The following CSMD1 variants were observed in gnomAD, a reference collection of about 807,000 sequenced individuals.
CSMD1 encodes CUB and sushi domain-containing protein 1.
CSMD1 carries 213 observed loss-of-function variants against 417.5 expected under a neutral mutation model. The observed-to-expected ratio is 0.51, with a 90% CI of 0.46 to 0.57. The LOEUF is 0.57. CSMD1 is among the 20% of genes least tolerant of loss of function. CSMD1 has a pLI of 0.00. For missense variants in CSMD1, 6,923 were observed against 4,529.7 expected, an observed-to-expected ratio of 1.53 and a Z score of -15.17; for synonymous variants, 2,862 against 1,736.8, an observed-to-expected ratio of 1.65 and a Z score of -16.11.
chr8:4,234,853 G>T (rs1488197200), intron 3 of CSMD1, among the ~76,000 whole-genome samples: 1 of 152,082 alleles, frequency 6.6e-6, no homozygotes, highest in Non-Finnish European at 1.5e-5. Flanking sequence ...GCGCCTTCTT[G>T]CTCTGTCCCC....
At chr8:4,828,201 C>G (rs1799944818) in intron 1 of CSMD1, among the ~76,000 whole-genome samples, 1 of 152,136 alleles carries the variant, frequency 6.6e-6, no homozygotes, top group Admixed American at 6.6e-5. Flanking sequence ...CAAAGCAGCA[C>G]TATTGTCACT....
intron 1 of CSMD1, among the ~76,000 whole-genome samples, chr8:4,982,689 C>G (rs1810961984): frequency 6.6e-6 from 1 of 152,076 alleles, no homozygotes; most frequent in Non-Finnish European, 1.5e-5. Flanking sequence ...TTTAAAAGAC[C>G]TATCATTGTC....
At chr8:3,222,224 C>A (rs960193730) in intron 28 of CSMD1, among the ~76,000 whole-genome samples, 3 of 152,040 alleles carry the variant, frequency 2.0e-5, no homozygotes, top group Non-Finnish European at 4.4e-5. Flanking sequence ...GTGAAAAAAC[C>A]CTTGCACAAA....
chr8:4,623,826 G>C (rs908396618), intron 2 of CSMD1, among the ~76,000 whole-genome samples: 2 of 152,042 alleles, frequency 1.3e-5, no homozygotes, highest in African/African-American at 4.8e-5. Flanking sequence ...GTTCAGTGGT[G>C]TGCTGGCAAC....
intron 3 of CSMD1, among the ~76,000 whole-genome samples, chr8:4,231,914 A>C (rs372707206): frequency 2.6e-5 from 3 of 113,220 alleles, no homozygotes; most frequent in African/African-American, 7.0e-5. Context: ...TCTGAATCTC[A>C]TACATAAAAT....
At chr8:3,283,760 T>G (rs535076431) in intron 26 of CSMD1, among the ~76,000 whole-genome samples, 2 of 152,194 alleles carry the variant, frequency 1.3e-5, no homozygotes, top group African/African-American at 4.8e-5. Context: ...AAAGGAGACT[T>G]AAGTTCCTCC....
At chr8:3,937,827 TTA>T (rs1810611909) in intron 5 of CSMD1, among the ~76,000 whole-genome samples, 1 of 152,166 alleles carries the variant, frequency 6.6e-6, no homozygotes, top group Non-Finnish European at 1.5e-5. Flanking sequence ...ACAGGAAATT[TTA>T]TGATTTAAAG....
chr8:4,603,726 T>C (rs1388662545), intron 2 of CSMD1, among the ~76,000 whole-genome samples: 3 of 152,144 alleles, frequency 2.0e-5, no homozygotes, highest in African/African-American at 7.2e-5. Context: ...TGTATGCTAA[T>C]GAAAAAATAT....
intron 18 of CSMD1, among the ~76,000 whole-genome samples, chr8:3,375,908 G>A (rs1191947783): frequency 6.6e-6 from 1 of 152,076 alleles, no homozygotes; most frequent in Non-Finnish European, 1.5e-5. Context: ...TCTTCACGTT[G>A]AAACATGTCC....
chr8:3,846,756 C>A (rs959320137), intron 5 of CSMD1, among the ~76,000 whole-genome samples: 2 of 152,244 alleles, frequency 1.3e-5, no homozygotes, highest in Non-Finnish European at 2.9e-5. Context: ...TCACTGCAAC[C>A]TCTGCCTCTC....
intron 5 of CSMD1, among the ~76,000 whole-genome samples, chr8:3,988,603 C>T (rs921142525): frequency 1.3e-5 from 2 of 152,170 alleles, no homozygotes; most frequent in African/African-American, 2.4e-5. Flanking sequence ...GTCCTGTGCA[C>T]ATGACAGCTG....
intron 37 of CSMD1, among the ~76,000 whole-genome samples, chr8:3,174,162 T>A (rs1820760075): frequency 6.6e-6 from 1 of 152,182 alleles, no homozygotes; most frequent in African/African-American, 2.4e-5. Flanking sequence ...CAGAAATTAA[T>A]TCAGTTAGTT....
intron 3 of CSMD1, among the ~76,000 whole-genome samples, chr8:4,208,770 T>C (rs1800127246): frequency 1.3e-5 from 2 of 152,190 alleles, no homozygotes; most frequent in African/African-American, 2.4e-5. Flanking sequence ...AAATTTTGTA[T>C]TACAGAAATC....
At chr8:4,427,579 G>C (rs7815599) in intron 2 of CSMD1, among the ~76,000 whole-genome samples, 1 of 151,880 alleles carries the variant, frequency 6.6e-6, no homozygotes, top group African/African-American at 2.4e-5. Flanking sequence ...TAAAATGTCC[G>C]CCATCATTTG....
At chr8:4,877,200 G>T (rs969789842) in intron 1 of CSMD1, among the ~76,000 whole-genome samples, 14 of 151,860 alleles carry the variant, frequency 9.2e-5, no homozygotes, top group Admixed American at 9.2e-4. Flanking sequence ...GAATGAGTAT[G>T]CAATGTAGCT....
chr8:3,655,477 T>G (rs1427256784), intron 7 of CSMD1, among the ~76,000 whole-genome samples: 3 of 152,168 alleles, frequency 2.0e-5, no homozygotes, highest in Non-Finnish European at 1.5e-5. Flanking sequence ...CAAACAATAG[T>G]ATCAGAAATA....
intron 5 of CSMD1, among the ~76,000 whole-genome samples, chr8:3,874,864 C>G (rs1458491684): frequency 2.6e-5 from 4 of 152,024 alleles, no homozygotes; most frequent in East Asian, 1.9e-4. Context: ...AAGAAAACGG[C>G]AAAGGGTGGT....
chr8:3,957,726 G>GAAA (rs1276625715), intron 5 of CSMD1, among the ~76,000 whole-genome samples: 5 of 122,526 alleles, frequency 4.1e-5, no homozygotes, highest in Admixed American at 1.7e-4. Flanking sequence ...AAAGAAAAAG[G>GAAA]AAAAGAAATG....
At chr8:3,275,632 T>C (rs193063102) in intron 26 of CSMD1, among the ~76,000 whole-genome samples, 14 of 152,314 alleles carry the variant, frequency 9.2e-5, no homozygotes, top group Admixed American at 9.2e-4. Context: ...TCGTTTCTTT[T>C]TATTCTTTTT....
Sources: gnomAD v4.1 joint callset for allele counts (sites outside exome capture counted in the v4.1 genomes callset) on GRCh38, gnomAD v4.1.1 for gene constraint, MANE v1.5 for transcripts, NCBI Gene and HGNC (gene_info 2026-07-23, HGNC 2026-07-21) for gene names.